FRMPD4: variants seen among roughly 807,000 people sequenced by gnomAD.
The protein encoded by FRMPD4 is FERM and PDZ domain-containing protein 4.
In FRMPD4, 22 loss-of-function variants were observed where a neutral mutation model predicts 94.1. That is an observed-to-expected ratio of 0.23 (90% CI 0.17 to 0.33). FRMPD4 has a LOEUF of 0.33. FRMPD4 is among the 10% of genes least tolerant of loss of function. FRMPD4 has a pLI of 1.00. For missense variants in FRMPD4, 1,111 were observed against 1,339.9 expected, an observed-to-expected ratio of 0.83 and a Z score of 2.67; for synonymous variants, 631 against 548.6, an observed-to-expected ratio of 1.15 and a Z score of -2.10.
chrX:11,959,679 G>A (rs962112609), intron 3 of FRMPD4, among the ~76,000 whole-genome samples: 15 of 110,732 alleles, frequency 1.4e-4, no homozygotes, highest in African/African-American at 3.6e-4. Context: ...TCTTTTGAAA[G>A]GGCTGGTTTC....
chrX:12,696,015 C>T (rs774301589), intron 9 of FRMPD4, among the ~76,000 whole-genome samples: 7 of 112,187 alleles, frequency 6.2e-5, no homozygotes, highest in Admixed American at 1.9e-4. Context: ...GAATTATAGG[C>T]GTGAGCCACC....
intron 1 of FRMPD4, among the ~76,000 whole-genome samples, chrX:12,461,352 G>A (rs763444545): frequency 1.8e-5 from 2 of 112,174 alleles, no homozygotes; most frequent in East Asian, 5.6e-4. Context: ...AAGAACTTTA[G>A]GATTATTTGT....
At chrX:12,168,833 G>A (rs755836968) in intron 1 of FRMPD4, among the ~76,000 whole-genome samples, 1 of 110,816 alleles carries the variant, frequency 9.0e-6, no homozygotes, top group South Asian at 3.9e-4. Flanking sequence ...CACCAGGTTA[G>A]CCAGGATGGT....
In FRMPD4 at chrX:12,290,744, T is replaced by C. The variant is rs183894494; in HGVS notation, c.41+151732T>C. Reference sequence around the variant, plus strand: ...CGACAGAAGCAGCAAGATGTATGTGTATCTTGTATCACTTTATTAATGTAA... The same window carrying C: ...CGACAGAAGCAGCAAGATGTATGTGCATCTTGTATCACTTTATTAATGTAA... On this transcript the variant is annotated intron_variant, in intron 1 of 16. Coordinates refer to ENST00000675598, the MANE Select transcript of FRMPD4 (RefSeq NM_001368397.1). Among the ~76,000 whole-genome samples, 17 of 112,058 alleles carry C rather than the reference T, an allele frequency of 1.5e-4. No homozygotes were observed. In the East Asian group the frequency reaches 2.8e-3, roughly 18 times the overall value.
At chrX:12,095,195 A>C (rs1158432849) in intron 3 of FRMPD4, among the ~76,000 whole-genome samples, 2 of 110,594 alleles carry the variant, frequency 1.8e-5, no homozygotes, top group Non-Finnish European at 3.8e-5. Flanking sequence ...TGGGTAATGT[A>C]GTGAGACCCT....
At chrX:12,154,053 A>G (rs2055899447) in intron 1 of FRMPD4, among the ~76,000 whole-genome samples, 1 of 112,822 alleles carries the variant, frequency 8.9e-6, no homozygotes, top group Non-Finnish European at 1.9e-5. Context: ...CTTTGCAGAA[A>G]GTTTTCTGGC....
chrX:12,649,381 T>G (rs901509649), intron 4 of FRMPD4, among the ~76,000 whole-genome samples: 1 of 111,701 alleles, frequency 9.0e-6, no homozygotes, highest in Non-Finnish European at 1.9e-5. Context: ...TTTTAATGAT[T>G]GAATAACAAC....
chrX:12,189,204 CT>C (rs1268579244), intron 1 of FRMPD4, among the ~76,000 whole-genome samples: 4 of 111,622 alleles, frequency 3.6e-5, no homozygotes, highest in Non-Finnish European at 7.6e-5. Flanking sequence ...GAAACACAAT[CT>C]GCCAAAACTC....
intron 4 of FRMPD4, among the ~76,000 whole-genome samples, chrX:12,647,991 A>C (rs1378592090): frequency 1.8e-5 from 2 of 111,303 alleles, no homozygotes; most frequent in East Asian, 5.6e-4. Context: ...CACATGGATG[A>C]AATTACCTTC....
intron 3 of FRMPD4, among the ~76,000 whole-genome samples, chrX:11,946,488 TAGTTGTA>T (rs2054189847): frequency 9.0e-6 from 1 of 111,599 alleles, no homozygotes; most frequent in Non-Finnish European, 1.9e-5. Context: ...GGTTTGCACT[TAGTTGTA>T]ACTCTCTTTC....
At chrX:12,675,660 A>C (rs1458143695) in intron 5 of FRMPD4, among the ~76,000 whole-genome samples, 1 of 111,496 alleles carries the variant, frequency 9.0e-6, no homozygotes, top group East Asian at 2.8e-4. Context: ...ATTTGTATAG[A>C]CTTGCCACTG....
intron 1 of FRMPD4, among the ~76,000 whole-genome samples, chrX:12,139,540 CTTT>C (rs34758220): frequency 0.089 from 7,401 of 82,959 alleles, 630 homozygotes; most frequent in African/African-American, 0.25. Flanking sequence ...GACTTTCAGC[CTTT>C]TTTTTTTTGG....
At chrX:12,207,058 C>T (rs1053241481) in intron 1 of FRMPD4, among the ~76,000 whole-genome samples, 12 of 111,717 alleles carry the variant, frequency 1.1e-4, no homozygotes, top group African/African-American at 3.9e-4. Flanking sequence ...AACCTTACTG[C>T]ATCTTCCTTT....
chrX:12,366,770 A>G (rs1379301460), intron 1 of FRMPD4, among the ~76,000 whole-genome samples: 4 of 112,014 alleles, frequency 3.6e-5, no homozygotes, highest in Non-Finnish European at 7.5e-5. Context: ...GCATTGAAAT[A>G]AATCTGCATG....
At chrX:12,112,183 A>G (rs1465310001) in intron 3 of FRMPD4, among the ~76,000 whole-genome samples, 1 of 112,104 alleles carries the variant, frequency 8.9e-6, no homozygotes, top group Non-Finnish European at 1.9e-5. Flanking sequence ...TCCATCAAAG[A>G]TAGACTGGAT....
chrX:12,115,798 C>G (rs1383560763), intron 3 of FRMPD4, among the ~76,000 whole-genome samples: 2 of 110,808 alleles, frequency 1.8e-5, no homozygotes, highest in South Asian at 7.8e-4. Flanking sequence ...TTTTGCAAGA[C>G]CTTATAATTT....
chrX:12,471,221 G>A (rs1478321222), intron 1 of FRMPD4, among the ~76,000 whole-genome samples: 1 of 111,720 alleles, frequency 9.0e-6, no homozygotes, highest in African/African-American at 3.3e-5. Context: ...TGAAATGCCC[G>A]ACAGAAACAG....
At chrX:11,869,073 A>T (rs1310541632) in intron 2 of FRMPD4, among the ~76,000 whole-genome samples, 1 of 111,952 alleles carries the variant, frequency 8.9e-6, no homozygotes, top group African/African-American at 3.2e-5. Context: ...CAGAGCTCAC[A>T]TTTGGTTTCC....
chrX:12,406,484 C>T (rs1390932158), intron 1 of FRMPD4, among the ~76,000 whole-genome samples: 2 of 111,943 alleles, frequency 1.8e-5, no homozygotes, highest in Non-Finnish European at 3.8e-5. Context: ...ATATCCTCAC[C>T]ACAGTCTCTT....
Sources: gnomAD v4.1 joint callset for allele counts (sites outside exome capture counted in the v4.1 genomes callset) on GRCh38, gnomAD v4.1.1 for gene constraint, MANE v1.5 for transcripts, NCBI Gene and HGNC (gene_info 2026-07-23, HGNC 2026-07-21) for gene names.